The following NELL1 variants were observed in gnomAD, a reference collection of about 807,000 sequenced individuals.
NELL1 encodes the protein neural EGFL like 1.
In NELL1, 76 loss-of-function variants were observed where a neutral mutation model predicts 107.4. The ratio of observed to expected loss-of-function variants is 0.71; its 90% CI spans 0.59 to 0.86. The LOEUF (loss-of-function observed/expected upper bound fraction) is 0.86, where lower values mean the gene tolerates loss of function less well. Ranked by LOEUF, NELL1 falls within the 40% of genes least tolerant of loss-of-function variation. The pLI is 0.00. For synonymous variants in NELL1, 353 were observed against 341.2 expected (o/e 1.03, Z -0.38); for missense variants, 1,024 against 1,005.5 (o/e 1.02, Z -0.25).
intron 2 of NELL1, among the ~76,000 whole-genome samples, chr11:20,763,889 T>TG (rs1564898922): frequency 6.6e-6 from 1 of 152,138 alleles, no homozygotes. Flanking sequence ...AGAGATGTGC[T>TG]GGGGAGGGTC....
chr11:21,188,670 A>C (rs886707745), intron 13 of NELL1, among the ~76,000 whole-genome samples: 1 of 151,908 alleles, frequency 6.6e-6, no homozygotes, highest in Non-Finnish European at 1.5e-5. Flanking sequence ...GGCACAGTGG[A>C]TAAAGAACAG....
intron 15 of NELL1, among the ~76,000 whole-genome samples, chr11:21,398,339 G>A (rs1224104798): frequency 6.6e-6 from 1 of 151,630 alleles, no homozygotes; most frequent in African/African-American, 2.4e-5. Flanking sequence ...AATATGACAC[G>A]TATTGTTCCT....
chr11:21,163,152 G>A (rs949673644), intron 13 of NELL1, among the ~76,000 whole-genome samples: 10 of 152,150 alleles, frequency 6.6e-5, no homozygotes, highest in Non-Finnish European at 1.3e-4. Flanking sequence ...GGGAATGTTA[G>A]GGTAATTTCA....
chr11:20,772,419 A>T (rs941696967), intron 2 of NELL1, among the ~76,000 whole-genome samples: 4 of 152,202 alleles, frequency 2.6e-5, no homozygotes, highest in African/African-American at 9.7e-5. Flanking sequence ...TATTTTCTAT[A>T]AACCACAGAT....
intron 13 of NELL1, among the ~76,000 whole-genome samples, chr11:21,120,002 T>A (rs1189098434): frequency 1.3e-5 from 2 of 152,074 alleles, no homozygotes; most frequent in Admixed American, 1.3e-4. Context: ...TGCCAAAAGC[T>A]TCCCATGAAG....
At chr11:21,332,043 AT>A (rs1460740095) in intron 14 of NELL1, among the ~76,000 whole-genome samples, 23 of 151,972 alleles carry the variant, frequency 1.5e-4, no homozygotes, top group African/African-American at 5.3e-4. Flanking sequence ...TTCTAGAACT[AT>A]TTCTATAGAT....
rs1857057867 is a variant in NELL1, at chr11:21,191,912, TAGC to T, written c.1427-37419_1427-37417del. ...TCAAATATAACTTCTTGTTATAATT[TAGC>T]TTACACATTCCAAATGGACTTATTA... On this transcript the variant is annotated intron_variant, in intron 13 of 19. Coordinates refer to ENST00000357134, the MANE Select transcript of NELL1 (RefSeq NM_006157.5). Among the ~76,000 whole-genome samples the T allele has an allele frequency of 2.0e-5, 3 of 152,064 alleles. No homozygotes were observed. In the South Asian group the frequency reaches 6.2e-4, roughly 31 times the overall value.
chr11:20,745,418 C>T (rs1855981596), intron 2 of NELL1, among the ~76,000 whole-genome samples: 1 of 152,154 alleles, frequency 6.6e-6, no homozygotes. Flanking sequence ...AATCGAAAGC[C>T]ATGATCAACT....
chr11:20,839,321 G>A (rs1275829957), intron 3 of NELL1, among the ~76,000 whole-genome samples: 1 of 152,110 alleles, frequency 6.6e-6, no homozygotes. Flanking sequence ...TTGCTGTCAC[G>A]ATTAATCTCT....
chr11:20,895,504 C>CTTTTTTT (rs71063675), intron 5 of NELL1, among the ~76,000 whole-genome samples: 12 of 100,022 alleles, frequency 1.2e-4, no homozygotes, highest in Non-Finnish European at 1.7e-4. Flanking sequence ...TGATATTTGC[C>CTTTTTTT]TTTTTTTTTT....
chr11:21,087,541 A>G (rs1281295586), intron 12 of NELL1, among the ~76,000 whole-genome samples: 1 of 152,200 alleles, frequency 6.6e-6, no homozygotes, highest in Non-Finnish European at 1.5e-5. Context: ...GGCCAGTAAG[A>G]ACTTCTTTGC....
At chr11:20,837,430 A>G (rs1848552666) in intron 3 of NELL1, among the ~76,000 whole-genome samples, 1 of 152,186 alleles carries the variant, frequency 6.6e-6, no homozygotes, top group Non-Finnish European at 1.5e-5. Context: ...ATTGTTATAC[A>G]CACACATATA....
At chr11:21,388,865 GTT>G (rs1237980467) in intron 15 of NELL1, among the ~76,000 whole-genome samples, 1 of 151,786 alleles carries the variant, frequency 6.6e-6, no homozygotes, top group Non-Finnish European at 1.5e-5. Flanking sequence ...TGTACCAACA[GTT>G]TGGAAATTTC....
intron 15 of NELL1, among the ~76,000 whole-genome samples, chr11:21,436,830 A>T (rs1392774708): frequency 6.6e-6 from 1 of 151,822 alleles, no homozygotes; most frequent in African/African-American, 2.4e-5. Flanking sequence ...ATTTTTATTG[A>T]TTTCAAGAAT....
intron 16 of NELL1, among the ~76,000 whole-genome samples, chr11:21,552,288 A>C: frequency 6.6e-6 from 1 of 151,714 alleles, no homozygotes; most frequent in East Asian, 1.9e-4. Context: ...AAAGTATAAT[A>C]ATAATAATAA....
chr11:21,088,059 C>CTGTG (rs56900585), intron 12 of NELL1, among the ~76,000 whole-genome samples: 22,468 of 135,878 alleles, frequency 0.17, 1,966 homozygotes, highest in East Asian at 0.27. Flanking sequence ...CCCAGTAGCT[C>CTGTG]TGTGTGTGTG....
chr11:21,280,443 C>G (rs1047531921), intron 14 of NELL1, among the ~76,000 whole-genome samples: 1 of 152,186 alleles, frequency 6.6e-6, no homozygotes, highest in African/African-American at 2.4e-5. Context: ...GTAGGAAAGA[C>G]AGTGTTGAAT....
chr11:21,542,151 A>G (rs1175626483), intron 16 of NELL1, among the ~76,000 whole-genome samples: 2 of 152,120 alleles, frequency 1.3e-5, no homozygotes, highest in Non-Finnish European at 2.9e-5. Flanking sequence ...ATTTAATTTC[A>G]CAATGACCAT....
At chr11:20,928,500 A>C in intron 9 of NELL1, 21 bp downstream of exon 9, 2 of 1,565,102 alleles carry the variant, frequency 1.3e-6, no homozygotes, top group Non-Finnish European at 1.8e-6. Context: ...ACTGAGGGTC[A>C]GACTGGCTGT....
Sources: gnomAD v4.1 joint callset for allele counts (sites outside exome capture counted in the v4.1 genomes callset) on GRCh38, gnomAD v4.1.1 for gene constraint, MANE v1.5 for transcripts, NCBI Gene and HGNC (gene_info 2026-07-23, HGNC 2026-07-21) for gene names.